Variants in EML5 observed in about 807,000 individuals in gnomAD.
EML5 encodes EMAP like 5, also known as echinoderm microtubule-associated protein-like 5.
A neutral mutation model predicts 250.0 loss-of-function variants in EML5; 120 were observed. The ratio of observed to expected loss-of-function variants is 0.48; its 90% CI spans 0.41 to 0.56. EML5 has a LOEUF of 0.56. Among genes scored for constraint, EML5 ranks in the 20% least tolerant of loss-of-function variants. The probability of loss-of-function intolerance (pLI) is 0.00; values close to 1 mark genes in which losing one functional copy is unlikely to be tolerated. For synonymous variants in EML5, 771 were observed against 806.5 expected (o/e 0.96, Z 0.75); for missense variants, 2,006 against 2,437.6 (o/e 0.82, Z 3.73).
intron 27 of EML5, among the ~76,000 whole-genome samples, chr14:88,650,234 C>T (rs2091554704): frequency 6.6e-6 from 1 of 152,100 alleles, no homozygotes; most frequent in Non-Finnish European, 1.5e-5. Context: ...GGGTGAATCA[C>T]TTGAGGTCAG....
chr14:88,737,035 G>A (rs1270465536), intron 6 of EML5, among the ~76,000 whole-genome samples: 3 of 152,092 alleles, frequency 2.0e-5, no homozygotes, highest in African/African-American at 7.2e-5. Context: ...TCCATTGAGA[G>A]CTGTTTTGTC....
intron 26 of EML5, 79 bp from the exon 27 acceptor site, chr14:88,657,581 T>A (rs1393123286): frequency 7.5e-7 from 1 of 1,329,404 alleles, no homozygotes; most frequent in Non-Finnish European, 1.0e-6. Flanking sequence ...TACAAAGATG[T>A]TCAACAATAT....
At chr14:88,744,818 A>G (rs561447149) in intron 3 of EML5, among the ~76,000 whole-genome samples, 2 of 152,152 alleles carry the variant, frequency 1.3e-5, no homozygotes, top group East Asian at 3.9e-4. Context: ...TACCTCTAAA[A>G]GGTTTACATT....
rs1431804819 is a variant in EML5 at position 88,695,366 on chromosome 14, T to G, written c.2433A>C (p.Ile811=). The change falls in exon 16 of 44, where the codon ATA becomes ATC. Residue 811 remains isoleucine (I), a synonymous_variant. Transcript: ENST00000554922. ...WDWKKGEKLS[I]ARGSKDKIFV... is the part of the protein sequence containing the mutation. ...ATATCAAGTTTTTTTCCTACCTTGC[T>G]ATTGAAAGTTTCTCTCCTTTCTTCC... The G allele has an allele frequency of 6.2e-7, 1 of 1,608,858 alleles. No individual in the cohort carries two copies. The highest frequency in any genetic ancestry group is 1.1e-5 in the South Asian group (1 of 89,288).
chr14:88,615,587 C>T lies in EML5; in HGVS notation c.*231G>A, dbSNP rs916727408. ...GACTTGGCCTTTACCATCAAGTATT[C>T]GATCCTTCCTTGAAATGGCATTATC... On this transcript the variant is annotated 3_prime_UTR_variant, in exon 44 of 44. Transcript: ENST00000554922. 31 of 469,518 alleles carry T rather than the reference C, an allele frequency of 6.6e-5. 1 individual carries two copies. Among genetic ancestry groups the T allele is most frequent in the Admixed American group, 5.9e-4 (15 of 25,452 alleles). The allele number at this position is 469,518 out of a possible 1,614,324, so 29.1% of individuals were successfully genotyped here.
rs762701465 is a variant in EML5 at position 88,696,896 on chromosome 14, G to C, written c.2295C>G (p.Ser765=). ...IWDTETIKPL[S]ILKGHHQYGV... is the part of the protein sequence containing the mutation. ...CATACTGGTGGTGGCCCTTTAATAT[G>C]GACAATGGTTTAATGGTCTCTGTAT... Residue 765 remains serine, a synonymous_variant, in exon 15 of 44, where the codon TCC becomes TCG. Coordinates refer to ENST00000554922, the MANE Select transcript of EML5 (RefSeq NM_183387.3). 6.2e-7 allele frequency: 1 copy of C among 1,610,108 alleles called. No homozygotes were observed.
chr14:88,724,632 T>C (rs1467459753), intron 8 of EML5, among the ~76,000 whole-genome samples: 5 of 152,224 alleles, frequency 3.3e-5, no homozygotes, highest in Admixed American at 6.5e-5. Context: ...GTGTTTTACA[T>C]GCATCTTAAA....
At chr14:88,618,947 A>G (rs952733773) in intron 39 of EML5, 135 bp from the exon 40 acceptor site, 18 of 762,174 alleles carry the variant, frequency 2.4e-5, no homozygotes, top group Admixed American at 2.1e-4. Context: ...GTCAGACACA[A>G]CTGATCATGT....
chr14:88,739,085 C>A, intron 5 of EML5, 71 bp from the exon 6 acceptor site: 4 of 1,368,326 alleles, frequency 2.9e-6, no homozygotes, highest in Non-Finnish European at 3.9e-6. Context: ...AGGTAGAAAC[C>A]CTTTTAAACC....
intron 30 of EML5, among the ~76,000 whole-genome samples, chr14:88,643,457 T>G (rs1035759492): frequency 6.6e-6 from 1 of 152,150 alleles, no homozygotes; most frequent in African/African-American, 2.4e-5. Context: ...GTATTAGGTA[T>G]CATAAGTAAT....
chr14:88,632,433 T>C (rs1402789649), intron 33 of EML5, among the ~76,000 whole-genome samples: 8 of 152,204 alleles, frequency 5.3e-5, no homozygotes, highest in African/African-American at 1.9e-4. Flanking sequence ...TGACAGCCTC[T>C]GCACTTAGCA....
At chr14:88,750,005 T>G (rs1410888925) in intron 2 of EML5, among the ~76,000 whole-genome samples, 1 of 152,230 alleles carries the variant, frequency 6.6e-6, no homozygotes. Flanking sequence ...TTTACTGGAA[T>G]ATAGCCACAC....
At chr14:88,650,597 G>C (rs1021753839) in intron 27 of EML5, among the ~76,000 whole-genome samples, 2 of 152,132 alleles carry the variant, frequency 1.3e-5, no homozygotes, top group Non-Finnish European at 2.9e-5. Flanking sequence ...TTCCTTTTAA[G>C]TGGATATTTG....
chr14:88,787,623 T>C (rs1055197414), intron 1 of EML5, among the ~76,000 whole-genome samples: 1 of 152,192 alleles, frequency 6.6e-6, no homozygotes, highest in African/African-American at 2.4e-5. Context: ...GGAAAACATC[T>C]CTTAATTTTA....
chr14:88,612,956 T>C lies in EML5; in HGVS notation c.*2862A>G, dbSNP rs1463117313. On this transcript the variant is annotated 3_prime_UTR_variant, in exon 44 of 44. Transcript: ENST00000554922. Reference sequence around the variant, plus strand: ...AAAAGGGGTAATAAAGACTGCAACATTCTCAGGACCAAATTAAACTGCTAA... The same window carrying C: ...AAAAGGGGTAATAAAGACTGCAACACTCTCAGGACCAAATTAAACTGCTAA... 1 of 149,822 alleles carries C rather than the reference T, an allele frequency of 6.7e-6. No individual in the cohort carries two copies. Among genetic ancestry groups the C allele is most frequent in the Admixed American group, 6.8e-5 (1 of 14,608 alleles). The allele number at this position is 149,822 out of a possible 1,614,324, so 9.3% of individuals were successfully genotyped here. A position where few individuals can be genotyped will look rare whatever the true frequency, so the allele number is the denominator to read the frequency against.
intron 20 of EML5, among the ~76,000 whole-genome samples, chr14:88,683,454 C>T (rs1284039747): frequency 1.3e-5 from 2 of 152,026 alleles, no homozygotes; most frequent in East Asian, 3.9e-4. Flanking sequence ...GGGAAAGAGA[C>T]AAAGATGAGG....
chr14:88,706,003 T>C, intron 11 of EML5: 1 of 530,942 alleles, frequency 1.9e-6, no homozygotes, highest in Admixed American at 3.4e-5. Context: ...TAAATGTTTG[T>C]TTTGCTATTA....
intron 1 of EML5, among the ~76,000 whole-genome samples, chr14:88,765,703 G>T (rs957314438): frequency 6.6e-6 from 1 of 152,122 alleles, no homozygotes; most frequent in African/African-American, 2.4e-5. Context: ...GGATATCTTT[G>T]GGGCCAGTCT....
At chr14:88,744,161 C>T (rs2093969459) in intron 3 of EML5, 70 bp from the exon 4 acceptor site, 1 of 1,019,838 alleles carries the variant, frequency 9.8e-7, no homozygotes, top group African/African-American at 1.6e-5. Context: ...GTCCAAAAGA[C>T]CAAATGGCCC....
Sources: gnomAD v4.1 joint callset for allele counts (sites outside exome capture counted in the v4.1 genomes callset) on GRCh38, gnomAD v4.1.1 for gene constraint, MANE v1.5 for transcripts, NCBI Gene and HGNC (gene_info 2026-07-23, HGNC 2026-07-21) for gene names.